Variants in FOXN3 observed in about 807,000 individuals in gnomAD.
FOXN3 encodes the protein forkhead box protein N3.
In FOXN3, 7 loss-of-function variants were observed where a neutral mutation model predicts 38.4. The ratio of observed to expected loss-of-function variants is 0.18; its 90% confidence interval spans 0.10 to 0.34. FOXN3 has a LOEUF of 0.34. Ranked by LOEUF, FOXN3 falls within the 10% of genes least tolerant of loss-of-function variation. FOXN3 has a pLI of 1.00. For synonymous variants in FOXN3, 230 were observed against 242.2 expected (o/e 0.95, Z 0.47); for missense variants, 456 against 613.4 (o/e 0.74, Z 2.71).
chr14:89,384,757 G>A (rs951128326), intron 2 of FOXN3, among the ~76,000 whole-genome samples: 1 of 152,174 alleles, frequency 6.6e-6, no homozygotes, highest in Non-Finnish European at 1.5e-5. Context: ...GAGAATCATG[G>A]CAGACTTCTT....
chr14:89,553,301 A>T (rs1028388922), intron 1 of FOXN3, among the ~76,000 whole-genome samples: 2 of 150,326 alleles, frequency 1.3e-5, no homozygotes, highest in African/African-American at 4.9e-5. Flanking sequence ...GGGGGGCTAC[A>T]TTTGGCCTCA....
At chr14:89,538,833 T>A (rs1894740369) in intron 1 of FOXN3, among the ~76,000 whole-genome samples, 1 of 151,828 alleles carries the variant, frequency 6.6e-6, no homozygotes, top group Non-Finnish European at 1.5e-5. Flanking sequence ...ATTATTATTA[T>A]TTATTTATTT....
At chr14:89,330,653 G>A (rs867564532) in intron 3 of FOXN3, among the ~76,000 whole-genome samples, 1 of 152,246 alleles carries the variant, frequency 6.6e-6, no homozygotes, top group Non-Finnish European at 1.5e-5. Context: ...AACCATAAAC[G>A]ATGTTTTTCC....
At chr14:89,253,662 A>T (rs1885530517) in intron 4 of FOXN3, among the ~76,000 whole-genome samples, 1 of 152,204 alleles carries the variant, frequency 6.6e-6, no homozygotes, top group South Asian at 2.1e-4. Context: ...TTTTAAAAAA[A>T]CAGAATGTAC....
Position 89,162,817 on chromosome 14 carries a change from G to A in FOXN3, c.1004C>T (p.Ser335Phe). 1 of 1,612,430 alleles carries A rather than the reference G, an allele frequency of 6.2e-7. No homozygotes were observed. The highest frequency in any genetic ancestry group is 8.5e-7 in the Non-Finnish European group (1 of 1,179,994). ...STSPTSDSISSSSSSADDHYE... is the reference protein window; with the variant it reads ...STSPTSDSISFSSSSADDHYE... ...GTGGTCGTCGGCTGAGGAGGAGGAG[G>A]AGGAGATGGAGTCGCTGGTGGGCGA... Residue 335 changes from serine to phenylalanine, a missense_variant, in exon 6 of 6, where the codon TCC (serine) becomes TTC (phenylalanine). Around this residue, in one of 3 missense-constraint regions of FOXN3, gnomAD observed 386 missense variants for 505.2 expected, o/e 0.76. Transcript: ENST00000557258. This position sits in a 1 kb window ranked among gnomAD's most constrained non-coding sequence, Gnocchi z 7.2.
intron 1 of FOXN3, among the ~76,000 whole-genome samples, chr14:89,538,902 G>A (rs1372828530): frequency 6.6e-6 from 1 of 151,774 alleles, no homozygotes; most frequent in East Asian, 1.9e-4. Context: ...GGAGTGCAGT[G>A]GTGCGATCTC....
At chr14:89,380,882 C>T (rs1890624957) in intron 2 of FOXN3, among the ~76,000 whole-genome samples, 1 of 152,116 alleles carries the variant, frequency 6.6e-6, no homozygotes, top group Non-Finnish European at 1.5e-5. Context: ...TGGCTCATGC[C>T]TATAATCCCA....
intron 1 of FOXN3, among the ~76,000 whole-genome samples, chr14:89,465,619 C>T (rs1892963584): frequency 1.3e-5 from 2 of 152,222 alleles, no homozygotes; most frequent in Non-Finnish European, 1.5e-5. Flanking sequence ...CCACTGTCTG[C>T]ACTCAAAAGA....
intron 3 of FOXN3, among the ~76,000 whole-genome samples, chr14:89,293,688 T>C (rs915297025): frequency 6.6e-6 from 1 of 152,132 alleles, no homozygotes; most frequent in African/African-American, 2.4e-5. Context: ...ATGGGCACAT[T>C]GGAAGTAAGG....
intron 1 of FOXN3, among the ~76,000 whole-genome samples, chr14:89,488,624 CAAA>C (rs34611131): frequency 8.4e-6 from 1 of 119,436 alleles, no homozygotes; most frequent in African/African-American, 3.2e-5. Flanking sequence ...TGCCCCATCT[CAAA>C]AAAAAAAAAA....
At chr14:89,561,309 T>C (rs113232046) in intron 1 of FOXN3, among the ~76,000 whole-genome samples, 6,998 of 152,272 alleles carry the variant, frequency 0.046, 504 homozygotes, top group African/African-American at 0.16. Context: ...ACCTCCCAGG[T>C]TGAAGCAATT....
At chr14:89,298,369 C>G (rs184007641) in intron 3 of FOXN3, among the ~76,000 whole-genome samples, 1 of 149,594 alleles carries the variant, frequency 6.7e-6, no homozygotes, top group East Asian at 2.0e-4. Context: ...GCTGGCTGTA[C>G]AACAGCTGAG....
intron 1 of FOXN3, among the ~76,000 whole-genome samples, chr14:89,550,695 T>G (rs944946186): frequency 7.2e-5 from 11 of 152,168 alleles, no homozygotes; most frequent in African/African-American, 2.7e-4. Flanking sequence ...ACATCAGTCA[T>G]AATCCAAAAC....
At chr14:89,205,244 T>C (rs1242443448) in intron 4 of FOXN3, among the ~76,000 whole-genome samples, 1 of 151,948 alleles carries the variant, frequency 6.6e-6, no homozygotes, top group Non-Finnish European at 1.5e-5. Context: ...AATTCCTATG[T>C]TGAAACCGAA....
intron 5 of FOXN3, among the ~76,000 whole-genome samples, chr14:89,170,604 T>C (rs1887364744): frequency 6.6e-6 from 1 of 152,108 alleles, no homozygotes; most frequent in African/African-American, 2.4e-5. Flanking sequence ...TGATATATAC[T>C]AGACCACACA....
intron 2 of FOXN3, among the ~76,000 whole-genome samples, chr14:89,409,059 C>T (rs1347470877): frequency 6.6e-6 from 1 of 152,142 alleles, no homozygotes; most frequent in Admixed American, 6.5e-5. Context: ...CAGCAGCTGG[C>T]CTGGGGGAAC....
chr14:89,544,809 A>ATGAT (rs371509928), intron 1 of FOXN3, among the ~76,000 whole-genome samples: 61 of 152,310 alleles, frequency 4.0e-4, no homozygotes, highest in African/African-American at 1.3e-3. Context: ...AGACAAAGGG[A>ATGAT]TGATTCATGC....
intron 3 of FOXN3, 111 bp downstream of exon 3, chr14:89,350,561 C>A: frequency 1.1e-6 from 1 of 922,740 alleles, no homozygotes; most frequent in Non-Finnish European, 1.6e-6. Context: ...TCTCATTTAC[C>A]TGCAGTTATT....
rs375504163 is a variant in FOXN3 at position 89,412,208 on chromosome 14, A to G, written c.269T>C (p.Leu90Pro). The G allele has an allele frequency of 4.3e-5, 70 of 1,613,930 alleles. No individual in the cohort carries two copies. The highest frequency in any genetic ancestry group is 5.8e-5 in the Non-Finnish European group (69 of 1,179,996). Reference sequence around the variant, plus strand: ...AGGGGATGGGGGGGTGTCATCGTCCAGGTCCTGGACGGGGCTGACACTCCT... The same window carrying G: ...AGGGGATGGGGGGGTGTCATCGTCCGGGTCCTGGACGGGGCTGACACTCCT... Reference protein sequence around the residue: ...VLRSVSPVQDLDDDTPPSPAH... With the variant: ...VLRSVSPVQDPDDDTPPSPAH... Residue 90 changes from leucine to proline, a missense_variant, in exon 2 of 6, where the codon CTG becomes CCG. Around this residue, in one of 3 missense-constraint regions of FOXN3, gnomAD observed 386 missense variants for 505.2 expected, o/e 0.76. Transcript: ENST00000557258. The surrounding 1 kb of genome is among the most constrained non-coding windows in gnomAD (Gnocchi z 4.7).
Sources: gnomAD v4.1 joint callset for allele counts (sites outside exome capture counted in the v4.1 genomes callset) on GRCh38, gnomAD v4.1.1 for gene constraint, gnomAD v4.1.1 regional missense constraint, Gnocchi (gnomAD v3.1) non-coding constraint, MANE v1.5 for transcripts, NCBI Gene and HGNC (gene_info 2026-07-23, HGNC 2026-07-21) for gene names.